PSG7: variants seen among roughly 807,000 people sequenced by gnomAD.
The protein encoded by PSG7 is pregnancy-specific beta-1-glycoprotein 7.
Under a neutral mutation model 45.6 loss-of-function variants are expected in PSG7, and 57 were observed. That is an observed-to-expected ratio of 1.25 (90% CI 1.01 to 1.56). PSG7 has a LOEUF of 1.56. Among genes scored for constraint, PSG7 ranks in the 40% most tolerant of loss-of-function variants. The pLI is 0.00. For missense variants in PSG7, 796 were observed against 508.4 expected (o/e 1.57, Z -5.44); for synonymous variants, 298 against 194.4 (o/e 1.53, Z -4.43).
intron 3 of PSG7, among the ~76,000 whole-genome samples, chr19:42,928,639 C>G (rs144229572): frequency 6.6e-6 from 1 of 151,346 alleles, no homozygotes; most frequent in Non-Finnish European, 1.5e-5. Context: ...AGGGTACAGG[C>G]AAAACCTGGT....
chr19:42,933,284 T>TATATAC (rs1555745149), intron 2 of PSG7, among the ~76,000 whole-genome samples: 105 of 8,352 alleles, frequency 0.013, 2 homozygotes, highest in African/African-American at 0.033. Flanking sequence ...TATATATATA[T>TATATAC]ATATATATAT....
chr19:42,937,066 AGGGG>A lies in PSG7; in HGVS notation c.7_10del (p.Pro3SerfsTer10). 1.2e-6 allele frequency: 2 copies of A among 1,611,118 alleles called. No individual in the cohort carries two copies. The highest frequency in any genetic ancestry group is 1.7e-6 in the Non-Finnish European group (2 of 1,178,400). ...ATGCTGTGTGCAGGGAGGGGCTGAG[AGGGG>A]CCCCATGGTCTCTGCTCCCTGCGTG... On this transcript the variant is annotated frameshift_variant, in exon 1 of 6. Coordinates refer to ENST00000406070, the MANE Select transcript of PSG7 (RefSeq NM_002783.3). LOFTEE classifies it high-confidence loss of function.
At chr19:42,927,106 C>G in intron 3 of PSG7, 1 of 264,164 alleles carries the variant, frequency 3.8e-6, no homozygotes, top group Non-Finnish European at 7.2e-6. Context: ...ACTTTGCCCC[C>G]CTAGATGTGA....
rs370808980 is a variant in PSG7 at position 42,935,484 on chromosome 19, G to A, written c.350C>T (p.Thr117Ile). The stretch of plus-strand genomic sequence containing the variant: ...TATGATGTGTAAAGTGTAGGATCCT[G>A]TGTCTTCCTGGGTGACATTCTGGAT... ...LLIQNVTQED[T>I]GSYTLHIIKR... The change falls in exon 2 of 6, where the codon ACA becomes ATA. Residue 117 changes from threonine (T) to isoleucine (I), a missense_variant. Coordinates refer to ENST00000406070, the MANE Select transcript of PSG7 (RefSeq NM_002783.3). The A allele has an allele frequency of 4.3e-6, 7 of 1,612,086 alleles. No individual in the cohort carries two copies. Among genetic ancestry groups the A allele is most frequent in the Admixed American group, 1.7e-5 (1 of 59,866 alleles).
chr19:42,931,144 G>T (rs185610947), intron 2 of PSG7, among the ~76,000 whole-genome samples: 8 of 151,594 alleles, frequency 5.3e-5, no homozygotes, highest in Non-Finnish European at 2.9e-5. Flanking sequence ...TTAGACCTCA[G>T]GTTATGTTCT....
Position 42,928,079 on chromosome 19 carries a change from T to C in PSG7, c.709+1363A>G, listed in dbSNP as rs985286106. Among the ~76,000 whole-genome samples the C allele has an allele frequency of 2.6e-5, 4 of 151,544 alleles. 1 individual carries two copies. Among genetic ancestry groups the C allele is most frequent in the African/African-American group, 9.7e-5 (4 of 41,206 alleles). On this transcript the variant is annotated intron_variant, in intron 3 of 5. Transcript: ENST00000406070. Reference sequence around the variant, plus strand: ...TAAGCCAAAGATATTCTTGCCCTTTTTTTTCTCTCACCACGTTTCTAGCTT... The same window carrying C: ...TAAGCCAAAGATATTCTTGCCCTTTCTTTTCTCTCACCACGTTTCTAGCTT...
At chr19:42,935,193 C>A (rs1292365663) in intron 2 of PSG7, among the ~76,000 whole-genome samples, 1 of 151,862 alleles carries the variant, frequency 6.6e-6, no homozygotes, top group Admixed American at 6.6e-5. Context: ...TCCTCTGCAG[C>A]AAGTTTCTGC....
chr19:42,925,507 A>C (rs1972861522), intron 5 of PSG7: 4 of 948,024 alleles, frequency 4.2e-6, no homozygotes, highest in South Asian at 4.5e-5. Context: ...AATCATAAAA[A>C]CATTATCCTC....
chr19:42,937,059 G>A lies in PSG7; in HGVS notation c.18C>T (p.Ala6=). The part of the protein sequence containing the change: MGPLS[A]PPCTQHITWK... ...AGGTTATATGCTGTGTGCAGGGAGG[G>A]GCTGAGAGGGGCCCCATGGTCTCTG... is the stretch of plus-strand genomic sequence containing the variant. Residue 6 remains alanine, a synonymous_variant, in exon 1 of 6, where the codon GCC becomes GCT. Transcript: ENST00000406070. 1 of 1,611,404 alleles carries A rather than the reference G, an allele frequency of 6.2e-7. No individual in the cohort carries two copies. Among genetic ancestry groups the A allele is most frequent in the Non-Finnish European group, 8.5e-7 (1 of 1,178,480 alleles).
chr19:42,925,509 A>C (rs1386021258), intron 5 of PSG7: 3 of 945,530 alleles, frequency 3.2e-6, no homozygotes, highest in Non-Finnish European at 4.5e-6. Flanking sequence ...TCATAAAAAC[A>C]TTATCCTCAT....
rs373204684 is a variant in PSG7 at position 42,935,634 on chromosome 19, C to G, written c.200G>C (p.Trp67Ser). Reference protein sequence around the residue: ...NLPQNLTGYIWYKGQIRDLYH... With the variant: ...NLPQNLTGYISYKGQIRDLYH... Reference sequence around the variant, plus strand: ...GAGGTCCCTGATTTGTCCTTTGTACCAGATGTAGCCAGTAAGATTCTGGGG... The same window carrying G: ...GAGGTCCCTGATTTGTCCTTTGTACGAGATGTAGCCAGTAAGATTCTGGGG... The change falls in exon 2 of 6, where the codon TGG becomes TCG. Residue 67 changes from tryptophan (W) to serine (S), a missense_variant. Coordinates refer to ENST00000406070, the MANE Select transcript of PSG7 (RefSeq NM_002783.3). 121 of 1,611,818 alleles carry G rather than the reference C, an allele frequency of 7.5e-5. 4 individuals are homozygous for G. The highest frequency in any genetic ancestry group is 9.9e-5 in the Non-Finnish European group (117 of 1,179,084).
At position 42,937,082 on chromosome 19, in the gene PSG7, C is replaced by T. The variant is rs1251753760; in HGVS notation, c.-6G>A. The T allele has an allele frequency of 6.2e-7, 1 of 1,610,640 alleles. No individual in the cohort carries two copies. The highest frequency in any genetic ancestry group is 1.7e-5 in the Admixed American group (1 of 59,794). Reference sequence around the variant, plus strand: ...GGGGCTGAGAGGGGCCCCATGGTCTCTGCTCCCTGCGTGTTCTCCTCTGTG... The same window carrying T: ...GGGGCTGAGAGGGGCCCCATGGTCTTTGCTCCCTGCGTGTTCTCCTCTGTG... On this transcript the variant is annotated 5_prime_UTR_variant, in exon 1 of 6. Transcript: ENST00000406070.
chr19:42,931,679 C>T lies in PSG7; in HGVS notation c.431-1959G>A, dbSNP rs551368763. Among the ~76,000 whole-genome samples, 26 of 151,464 alleles carry T rather than the reference C, an allele frequency of 1.7e-4. 1 individual carries two copies. Among genetic ancestry groups the T allele is most frequent in the South Asian group, 1.3e-3 (6 of 4,736 alleles). On this transcript the variant is annotated intron_variant, in intron 2 of 5. Transcript: ENST00000406070. Reference sequence around the variant, plus strand: ...CACGAAGAACTCCAACTTATGAAAACGGCATCATCATGAGGAAACAGTTGT... The same window carrying T: ...CACGAAGAACTCCAACTTATGAAAATGGCATCATCATGAGGAAACAGTTGT...
At chr19:42,935,368 C>A (rs59911953) in intron 2 of PSG7, 36 bp downstream of exon 2, 13 of 1,609,050 alleles carry the variant, frequency 8.1e-6, no homozygotes, top group East Asian at 2.2e-5. Context: ...ATGACCCCTG[C>A]CCCCCAACAC....
intron 2 of PSG7, among the ~76,000 whole-genome samples, chr19:42,933,014 C>T (rs931814415): frequency 6.7e-5 from 10 of 150,116 alleles, no homozygotes; most frequent in African/African-American, 2.2e-4. Flanking sequence ...TGACTAATGG[C>T]TCAGCCAGTC....
intron 2 of PSG7, among the ~76,000 whole-genome samples, chr19:42,934,502 A>G (rs1395739153): frequency 4.6e-5 from 7 of 151,592 alleles, no homozygotes; most frequent in African/African-American, 1.7e-4. Flanking sequence ...TTTTCTCTCA[A>G]TCAAATAAGC....
At chr19:42,926,337 AC>A in intron 4 of PSG7, 100 bp downstream of exon 4, 1 of 1,565,696 alleles carries the variant, frequency 6.4e-7, no homozygotes, top group South Asian at 1.2e-5. Flanking sequence ...ATATGTCTAT[AC>A]TTGGACCGGA....
chr19:42,927,797 C>T (rs1355067619), intron 3 of PSG7, among the ~76,000 whole-genome samples: 1 of 151,464 alleles, frequency 6.6e-6, no homozygotes, highest in Non-Finnish European at 1.5e-5. Context: ...CATGGGTGGG[C>T]AGTTTCTTTT....
At position 42,937,087 on chromosome 19, in the gene PSG7, C is replaced by A. The variant is rs376447207; in HGVS notation, c.-11G>T. On this transcript the variant is annotated 5_prime_UTR_variant, in exon 1 of 6. Coordinates refer to ENST00000406070, the MANE Select transcript of PSG7 (RefSeq NM_002783.3). Reference sequence around the variant, plus strand: ...TGAGAGGGGCCCCATGGTCTCTGCTCCCTGCGTGTTCTCCTCTGTGGAGAT... The same window carrying A: ...TGAGAGGGGCCCCATGGTCTCTGCTACCTGCGTGTTCTCCTCTGTGGAGAT... 5 of 1,610,198 alleles carry A rather than the reference C, an allele frequency of 3.1e-6. No individual in the cohort carries two copies. In the South Asian group the frequency reaches 5.5e-5, roughly 18 times the overall value.
Sources: gnomAD v4.1 joint callset for allele counts (sites outside exome capture counted in the v4.1 genomes callset) on GRCh38, gnomAD v4.1.1 for gene constraint, MANE v1.5 for transcripts, NCBI Gene and HGNC (gene_info 2026-07-23, HGNC 2026-07-21) for gene names.